Variants in ACBD6 observed in about 807,000 individuals in gnomAD.
ACBD6 encodes the protein acyl-CoA binding domain containing 6.
Under a neutral mutation model 37.2 loss-of-function variants are expected in ACBD6, and 28 were observed. That is an observed-to-expected ratio of 0.75 (90% CI 0.56 to 1.03). ACBD6 has a LOEUF of 1.03. Ranked by LOEUF, ACBD6 falls within the 50% of genes least tolerant of loss-of-function variation. ACBD6 has a pLI of 0.00. For synonymous variants in ACBD6, 113 were observed against 126.8 expected (o/e 0.89, Z 0.73); for missense variants, 340 against 337.4 (o/e 1.01, Z -0.06).
At chr1:180,311,175 T>G (rs762570699) in intron 7 of ACBD6, among the ~76,000 whole-genome samples, 1 of 152,188 alleles carries the variant, frequency 6.6e-6, no homozygotes, top group Non-Finnish European at 1.5e-5. Context: ...TTCCCTAAGA[T>G]TAGGATTCCT....
At chr1:180,486,503 A>G (rs1651268256) in intron 3 of ACBD6, among the ~76,000 whole-genome samples, 1 of 152,232 alleles carries the variant, frequency 6.6e-6, no homozygotes, top group Non-Finnish European at 1.5e-5. Flanking sequence ...AGTTCTTGAC[A>G]ACGAATAAAT....
chr1:180,409,587 A>G (rs1158460288), intron 5 of ACBD6, among the ~76,000 whole-genome samples: 3 of 152,186 alleles, frequency 2.0e-5, no homozygotes, highest in South Asian at 4.1e-4. Flanking sequence ...GGTAATGATC[A>G]GTGATCTCTG....
intron 6 of ACBD6, among the ~76,000 whole-genome samples, chr1:180,389,424 C>G (rs1653979312): frequency 6.6e-6 from 1 of 152,112 alleles, no homozygotes; most frequent in Non-Finnish European, 1.5e-5. Flanking sequence ...GGGTTGGTTC[C>G]AAGTCTTTGC....
intron 7 of ACBD6, among the ~76,000 whole-genome samples, chr1:180,305,570 T>C (rs1346558654): frequency 2.0e-5 from 3 of 152,154 alleles, no homozygotes; most frequent in Non-Finnish European, 4.4e-5. Flanking sequence ...TCACACCAGT[T>C]AGAATGGCAA....
intron 6 of ACBD6, among the ~76,000 whole-genome samples, chr1:180,317,903 G>A (rs901760351): frequency 1.3e-5 from 2 of 152,150 alleles, no homozygotes; most frequent in Admixed American, 1.3e-4. Context: ...GGGGCCTGGA[G>A]CGGTGGCTCA....
intron 6 of ACBD6, among the ~76,000 whole-genome samples, chr1:180,337,680 A>C (rs941779250): frequency 1.3e-5 from 2 of 152,250 alleles, no homozygotes; most frequent in African/African-American, 4.8e-5. Context: ...AAGGAAATAA[A>C]GGGTATTCAA....
chr1:180,461,028 CA>C (rs540205213), intron 3 of ACBD6, among the ~76,000 whole-genome samples: 11 of 152,032 alleles, frequency 7.2e-5, no homozygotes, highest in Non-Finnish European at 1.0e-4. Context: ...AGCTGACAAA[CA>C]AAATATCCAA....
intron 6 of ACBD6, among the ~76,000 whole-genome samples, chr1:180,380,137 T>C (rs1282328744): frequency 6.6e-6 from 1 of 152,200 alleles, no homozygotes. Context: ...GACCCTCATC[T>C]GCAGTCCCAG....
chr1:180,502,534 G>GATCGC lies in ACBD6; in HGVS notation c.-269_-268insGCGAT. On this transcript the variant is annotated 5_prime_UTR_variant, in exon 1 of 8. Transcript: ENST00000367595. The stretch of plus-strand genomic sequence containing the variant: ...TCCCTCCGGCCAACAGCGCGCTCAG[G>GATCGC]CTCGCCTCAGGCCCCTCCAACGGAA... The GATCGC allele has an allele frequency of 2.0e-6, 1 of 508,070 alleles. No homozygotes were observed. Among genetic ancestry groups the GATCGC allele is most frequent in the Non-Finnish European group, 3.6e-6 (1 of 278,298 alleles). 31.5% of individuals were successfully genotyped at this position (508,070 alleles called of 1,614,324 possible). A position where few individuals can be genotyped will look rare whatever the true frequency, so the allele number is the denominator to read the frequency against.
At chr1:180,347,246 G>A (rs1439265782) in intron 6 of ACBD6, among the ~76,000 whole-genome samples, 3 of 151,602 alleles carry the variant, frequency 2.0e-5, no homozygotes, top group Non-Finnish European at 4.4e-5. Context: ...AGGAACGAAA[G>A]ACGAAATATC....
chr1:180,496,177 C>A (rs1571584673), intron 1 of ACBD6, among the ~76,000 whole-genome samples: 1 of 152,280 alleles, frequency 6.6e-6, no homozygotes, highest in East Asian at 1.9e-4. Context: ...TGTAGTTAAA[C>A]TGCACAGTGA....
intron 3 of ACBD6, among the ~76,000 whole-genome samples, chr1:180,481,170 A>C (rs558491021): frequency 6.6e-6 from 1 of 152,186 alleles, no homozygotes; most frequent in South Asian, 2.1e-4. Flanking sequence ...CAACCTTGTG[A>C]TTCTCTCTAT....
exon 10 of ACBD6, chr1:180,275,028 A>G (rs1648944343): frequency 6.3e-6 from 1 of 157,994 alleles, no homozygotes; most frequent in Non-Finnish European, 1.4e-5. Context: ...GCCCTTGAGT[A>G]AAATAAAAGT....
intron 1 of ACBD6, among the ~76,000 whole-genome samples, chr1:180,500,240 G>A (rs898354087): frequency 6.6e-6 from 1 of 151,506 alleles, no homozygotes; most frequent in African/African-American, 2.4e-5. Context: ...AAGAAAAAAA[G>A]TTTACACATT....
intron 5 of ACBD6, among the ~76,000 whole-genome samples, chr1:180,402,185 A>G (rs373561568): frequency 6.6e-6 from 1 of 152,148 alleles, no homozygotes; most frequent in African/African-American, 2.4e-5. Flanking sequence ...AGCTGGCCAT[A>G]GTGAGAACTC....
At chr1:180,349,290 C>G (rs921403848) in intron 6 of ACBD6, among the ~76,000 whole-genome samples, 1 of 149,344 alleles carries the variant, frequency 6.7e-6, no homozygotes, top group African/African-American at 2.5e-5. Flanking sequence ...GGAAACGTCT[C>G]GCTCTGTCGC....
At chr1:180,490,742 C>A (rs1440571583) in intron 3 of ACBD6, among the ~76,000 whole-genome samples, 1 of 149,326 alleles carries the variant, frequency 6.7e-6, no homozygotes, top group Non-Finnish European at 1.5e-5. Context: ...GCCGAGATTG[C>A]GCCACTGCAC....
intron 5 of ACBD6, among the ~76,000 whole-genome samples, chr1:180,405,100 A>G (rs1487864772): frequency 1.2e-4 from 19 of 152,242 alleles, no homozygotes; most frequent in Admixed American, 1.2e-3. Context: ...TGATATAGAA[A>G]GTGATTTAAG....
downstream of ACBD6, chr1:180,286,893 G>A (rs920599663): frequency 4.6e-5 from 7 of 152,172 alleles, no homozygotes; most frequent in Non-Finnish European, 1.0e-4. Flanking sequence ...CTTCACCGTT[G>A]AGGACTATAC....
Sources: allele counts gnomAD v4.1 joint callset (sites outside exome capture counted in the v4.1 genomes callset), GRCh38; gene constraint gnomAD v4.1.1; transcripts MANE v1.5; gene names NCBI Gene and HGNC (gene_info 2026-07-23, HGNC 2026-07-21).